The following OCA2 variants were observed in gnomAD, a reference collection of about 807,000 sequenced individuals.
OCA2 encodes OCA2 melanosomal transmembrane protein.
OCA2 carries 77 observed loss-of-function variants against 100.2 expected under a neutral mutation model. The ratio of observed to expected loss-of-function variants is 0.77; its 90% CI spans 0.64 to 0.93. The LOEUF (loss-of-function observed/expected upper bound fraction) is 0.93, where lower values mean the gene tolerates loss of function less well. OCA2 is among the 40% of genes least tolerant of loss of function. The probability of loss-of-function intolerance (pLI) is 0.00; values close to 1 mark genes in which losing one functional copy is unlikely to be tolerated. For synonymous variants in OCA2, 432 were observed against 439.2 expected (o/e 0.98, Z 0.21); for missense variants, 1,062 against 1,089.1 (o/e 0.98, Z 0.35).
At position 27,922,680 on chromosome 15, in the gene OCA2, G is replaced by GGTGTGT. The variant is rs60426286; in HGVS notation, c.2079+3441_2079+3446dup. ...ATAGCTTTTGTGGTTTTTTGTTTGG[G>GGTGTGT]GTGTGTGTGTGTGTGTGTGTGTGTG... On this transcript the variant is annotated intron_variant, in intron 19 of 23. Transcript: ENST00000354638. Among the ~76,000 whole-genome samples, 686 of 147,186 alleles carry GGTGTGT rather than the reference G, an allele frequency of 4.7e-3. 3 individuals are homozygous for GGTGTGT. The highest frequency in any genetic ancestry group is 0.011 in the African/African-American group (461 of 40,152).
intron 23 of OCA2, among the ~76,000 whole-genome samples, chr15:27,771,654 T>C (rs2071829017): frequency 6.6e-6 from 1 of 152,250 alleles, no homozygotes; most frequent in Non-Finnish European, 1.5e-5. Flanking sequence ...ATTTTAATAA[T>C]ACATGTTTTT....
chr15:28,099,038 C>T, intron 1 of OCA2, 186 bp downstream of exon 1: 1 of 154,876 alleles, frequency 6.5e-6, no homozygotes, highest in Non-Finnish European at 1.4e-5. Context: ...TGCTGCAGGC[C>T]CAGGCGGACT....
chr15:27,913,065 A>G (rs569489419), intron 19 of OCA2, among the ~76,000 whole-genome samples: 1 of 152,372 alleles, frequency 6.6e-6, no homozygotes, highest in African/African-American at 2.4e-5. Flanking sequence ...CAGATAGACT[A>G]AAGAATTTAG....
intron 23 of OCA2, among the ~76,000 whole-genome samples, chr15:27,822,849 G>C (rs2034556671): frequency 6.6e-6 from 1 of 152,074 alleles, no homozygotes; most frequent in African/African-American, 2.4e-5. Flanking sequence ...TGTTTTTTCA[G>C]GCCCTTAATG....
At chr15:27,797,889 T>A (rs1158329423) in intron 23 of OCA2, among the ~76,000 whole-genome samples, 1 of 152,082 alleles carries the variant, frequency 6.6e-6, no homozygotes, top group Non-Finnish European at 1.5e-5. Flanking sequence ...GCTAGAGTCT[T>A]TCCTGAGTCC....
intron 2 of OCA2, among the ~76,000 whole-genome samples, chr15:28,068,054 G>A (rs866057989): frequency 6.6e-5 from 10 of 152,174 alleles, no homozygotes; most frequent in African/African-American, 2.2e-4. Flanking sequence ...AAGGTTTCTG[G>A]TTGGATTGTA....
At chr15:27,846,406 T>G (rs2035538627) in intron 22 of OCA2, among the ~76,000 whole-genome samples, 1 of 152,096 alleles carries the variant, frequency 6.6e-6, no homozygotes, top group Admixed American at 6.5e-5. Flanking sequence ...CAGGACAGCA[T>G]CAGCCTGCAC....
chr15:28,024,695 C>T (rs977773733), intron 5 of OCA2, 150 bp downstream of exon 5: 3 of 858,968 alleles, frequency 3.5e-6, no homozygotes, highest in Admixed American at 1.9e-5. Context: ...GCCCCACAAC[C>T]CTCAGCATCT....
intron 19 of OCA2, among the ~76,000 whole-genome samples, chr15:27,924,972 G>C (rs1597199): frequency 0.23 from 35,695 of 151,916 alleles, 4,945 homozygotes; most frequent in East Asian, 0.62. Flanking sequence ...TAGACCCTAA[G>C]ACAAAAACAT....
In OCA2 at chr15:27,990,622, A is replaced by G. The variant is rs1384475205; in HGVS notation, c.1070T>C (p.Met357Thr). The change falls in exon 10 of 24, where the codon ATG (methionine) becomes ACG (threonine). Residue 357 changes from methionine (M) to threonine (T), a missense_variant. By Grantham distance (81) the Met-to-Thr change is moderately conservative. Transcript: ENST00000354638. ...TGCCAGTGCTGCAAGGGAACCCAGC[A>G]TGGCCGCCAGAGTTCTGTGCACGAT... ...FEIVHRTLAA[M>T]LGSLAALAAL... is the part of the protein sequence containing the mutation. 5.0e-6 allele frequency: 8 copies of G among 1,614,002 alleles called. No homozygotes were observed. In the African/African-American group the frequency reaches 8.0e-5, roughly 16 times the overall value.
intron 23 of OCA2, among the ~76,000 whole-genome samples, chr15:27,775,145 C>T (rs1193752948): frequency 6.6e-6 from 1 of 151,828 alleles, no homozygotes; most frequent in Non-Finnish European, 1.5e-5. Context: ...CTGGGGCTGG[C>T]GCCCTGGGCC....
intron 19 of OCA2, among the ~76,000 whole-genome samples, chr15:27,917,968 C>T (rs74005286): frequency 6.6e-6 from 1 of 152,006 alleles, no homozygotes; most frequent in African/African-American, 2.4e-5. Context: ...TGTTCCTCAA[C>T]TCCCCATATT....
At chr15:28,024,254 C>T (rs528449059) in intron 5 of OCA2, among the ~76,000 whole-genome samples, 31 of 152,250 alleles carry the variant, frequency 2.0e-4, no homozygotes, top group Non-Finnish European at 3.4e-4. Context: ...CCCTCGCCCT[C>T]CCCTCGTTCC....
At chr15:27,884,876 A>G (rs2037162350) in intron 19 of OCA2, among the ~76,000 whole-genome samples, 1 of 152,276 alleles carries the variant, frequency 6.6e-6, no homozygotes, top group Admixed American at 6.5e-5. Context: ...CCCAAAGGCA[A>G]GAAGAATGAG....
chr15:27,917,968 C>A (rs74005286), intron 19 of OCA2, among the ~76,000 whole-genome samples: 3,382 of 152,112 alleles, frequency 0.022, 133 homozygotes, highest in African/African-American at 0.079. Context: ...TGTTCCTCAA[C>A]TCCCCATATT....
At chr15:27,844,549 A>T (rs2035462091) in intron 23 of OCA2, among the ~76,000 whole-genome samples, 1 of 151,930 alleles carries the variant, frequency 6.6e-6, no homozygotes, top group Non-Finnish European at 1.5e-5. Flanking sequence ...CTCACTTGTC[A>T]CCCAGGCTGG....
At chr15:28,009,613 A>C (rs112627104) in intron 9 of OCA2, among the ~76,000 whole-genome samples, 3 of 151,976 alleles carry the variant, frequency 2.0e-5, no homozygotes, top group African/African-American at 7.2e-5. Flanking sequence ...ACTTGAACCC[A>C]CAAGGCGCAG....
At chr15:27,927,570 T>A (rs768868626) in intron 18 of OCA2, among the ~76,000 whole-genome samples, 2 of 152,206 alleles carry the variant, frequency 1.3e-5, no homozygotes, top group African/African-American at 2.4e-5. Context: ...CAATGTTATA[T>A]GCAACATTTA....
At chr15:27,922,956 C>T (rs2038918585) in intron 19 of OCA2, among the ~76,000 whole-genome samples, 1 of 152,052 alleles carries the variant, frequency 6.6e-6, no homozygotes, top group Non-Finnish European at 1.5e-5. Context: ...TGATCCTCTC[C>T]CTCCTCCCAC....
Sources: allele counts gnomAD v4.1 joint callset (sites outside exome capture counted in the v4.1 genomes callset), GRCh38; gene constraint gnomAD v4.1.1; transcripts MANE v1.5; gene names NCBI Gene and HGNC (gene_info 2026-07-23, HGNC 2026-07-21).